The following ETHE1 variants were observed in gnomAD, a reference collection of about 807,000 sequenced individuals.
ETHE1 encodes ETHE1 persulfide dioxygenase, also known as persulfide dioxygenase ETHE1, mitochondrial.
A neutral mutation model predicts 25.7 loss-of-function variants in ETHE1; 16 were observed. That is an observed-to-expected ratio of 0.62 (90% CI 0.42 to 0.95). The LOEUF is 0.95. Ranked by LOEUF, ETHE1 falls within the 40% of genes least tolerant of loss-of-function variation. The pLI is 0.00. For missense variants in ETHE1, 300 were observed against 333.6 expected (o/e 0.90, Z 0.79); for synonymous variants, 139 against 135.9 (o/e 1.02, Z -0.16).
At chr19:43,518,878 G>A (rs952914106) in intron 3 of ETHE1, among the ~76,000 whole-genome samples, 2 of 151,472 alleles carry the variant, frequency 1.3e-5, no homozygotes, top group Admixed American at 1.3e-4. Context: ...AACGATTTTT[G>A]GACTTTTTGC....
intron 3 of ETHE1, among the ~76,000 whole-genome samples, chr19:43,518,870 C>T (rs1027031383): frequency 4.0e-5 from 6 of 150,790 alleles, no homozygotes; most frequent in African/African-American, 1.2e-4. Flanking sequence ...AAAATCAAAA[C>T]GATTTTTGGA....
chr19:43,508,673 A>G (rs1238057130), intron 5 of ETHE1, 102 bp downstream of exon 5: 1 of 1,042,106 alleles, frequency 9.6e-7, no homozygotes, highest in African/African-American at 1.6e-5. Flanking sequence ...GGCCAGAGAA[A>G]TTTCTGAGAC....
chr19:43,509,292 T>C (rs1239134185), intron 4 of ETHE1, among the ~76,000 whole-genome samples: 1 of 144,822 alleles, frequency 6.9e-6, no homozygotes, highest in Non-Finnish European at 1.5e-5. Flanking sequence ...AGGTCAGGAG[T>C]TCGAGACCAG....
intron 3 of ETHE1, among the ~76,000 whole-genome samples, chr19:43,517,231 C>G (rs887167596): frequency 8.6e-5 from 13 of 150,496 alleles, no homozygotes; most frequent in African/African-American, 3.2e-4. Flanking sequence ...ATTCAACACT[C>G]TTGTATAAAA....
chr19:43,519,002 T>TTTTTTG (rs1972084603), intron 3 of ETHE1, among the ~76,000 whole-genome samples: 1 of 49,328 alleles, frequency 2.0e-5, no homozygotes, highest in African/African-American at 1.1e-4. Context: ...TGTGCTTGTT[T>TTTTTTG]TTTTTTTTTT....
intron 3 of ETHE1, among the ~76,000 whole-genome samples, chr19:43,516,819 G>T (rs755949075): frequency 6.6e-6 from 1 of 151,828 alleles, no homozygotes; most frequent in African/African-American, 2.4e-5. Context: ...TAGTAGAGAC[G>T]AGGTTTCATC....
chr19:43,507,313 C>T (rs1971797890), intron 6 of ETHE1, among the ~76,000 whole-genome samples: 1 of 145,486 alleles, frequency 6.9e-6, no homozygotes. Flanking sequence ...GAGTCCAGGC[C>T]CCCAGCCCCT....
chr19:43,517,077 G>GC (rs1268428700), intron 3 of ETHE1, among the ~76,000 whole-genome samples: 1 of 151,402 alleles, frequency 6.6e-6, no homozygotes, highest in African/African-American at 2.4e-5. Context: ...TCCCATCTCA[G>GC]CCTCTCAATG....
intron 3 of ETHE1, among the ~76,000 whole-genome samples, chr19:43,522,704 C>G (rs748529904): frequency 1.3e-5 from 2 of 152,152 alleles, no homozygotes; most frequent in Non-Finnish European, 2.9e-5. Flanking sequence ...TGGTCTCGAA[C>G]TCCTGACCTC....
intron 3 of ETHE1, among the ~76,000 whole-genome samples, chr19:43,516,829 C>T (rs1352747348): frequency 6.6e-6 from 1 of 151,936 alleles, no homozygotes; most frequent in Non-Finnish European, 1.5e-5. Context: ...GAGGTTTCAT[C>T]ATGTTGACCA....
At position 43,507,792 on chromosome 19, in the gene ETHE1, T is replaced by A. The variant is rs1473949447; in HGVS notation, c.712+152A>T. The stretch of plus-strand genomic sequence containing the variant: ...CCCAGGAGTCCAGGCCCCCAGCCTC[T>A]CCTCCCTCAGACCCAGGAGTCCAGG... On this transcript the variant is annotated intron_variant, in intron 6 of 6. Transcript: ENST00000292147. 166 of 278,466 alleles carry A rather than the reference T, an allele frequency of 6.0e-4. 2 individuals carry two copies. Among genetic ancestry groups the A allele is most frequent in the Middle Eastern group, 2.4e-3 (2 of 820 alleles). 17.2% of individuals were successfully genotyped at this position (278,466 alleles called of 1,614,324 possible). A position where few individuals can be genotyped will look rare whatever the true frequency, so the allele number is the denominator to read the frequency against.
At chr19:43,518,473 G>C (rs994540211) in intron 3 of ETHE1, among the ~76,000 whole-genome samples, 4 of 152,070 alleles carry the variant, frequency 2.6e-5, no homozygotes, top group African/African-American at 9.7e-5. Context: ...TTGGCCGGGC[G>C]TGGTGTCTCA....
At chr19:43,519,515 A>T (rs1176693300) in intron 3 of ETHE1, among the ~76,000 whole-genome samples, 1 of 152,096 alleles carries the variant, frequency 6.6e-6, no homozygotes, top group Non-Finnish European at 1.5e-5. Context: ...CCCTTCCATG[A>T]TGCATCATGT....
chr19:43,511,584 G>A lies in ETHE1; in HGVS notation c.376-18C>T, dbSNP rs1402914504. On this transcript the variant is annotated intron_variant, in intron 3 of 6. Coordinates refer to ENST00000292147, the MANE Select transcript of ETHE1 (RefSeq NM_014297.5). ...TCCAACGCCTGGCAGGGGTGGAAGA[G>A]TACAGAGATAGTCACCAAGAAGCCT... The A allele has an allele frequency of 6.2e-7, 1 of 1,610,766 alleles. No individual in the cohort carries two copies. The highest frequency in any genetic ancestry group is 1.3e-5 in the African/African-American group (1 of 74,874).
chr19:43,506,954 G>GCC, intron 6 of ETHE1, 52 bp from the exon 7 acceptor site: 1 of 1,586,814 alleles, frequency 6.3e-7, no homozygotes, highest in East Asian at 2.2e-5. Context: ...AGAGTTCCAG[G>GCC]CCCCACTGGA....
At chr19:43,524,077 A>T (rs1008487613) in intron 3 of ETHE1, among the ~76,000 whole-genome samples, 1 of 152,022 alleles carries the variant, frequency 6.6e-6, no homozygotes, top group Non-Finnish European at 1.5e-5. Context: ...CTCTACTAAA[A>T]ATACAAAATT....
intron 4 of ETHE1, among the ~76,000 whole-genome samples, chr19:43,511,127 A>G (rs1304855988): frequency 6.6e-6 from 1 of 152,050 alleles, no homozygotes; most frequent in Non-Finnish European, 1.5e-5. Context: ...CTGATTCTAC[A>G]TGATGGTGAG....
At chr19:43,510,031 G>A (rs1197740161) in intron 4 of ETHE1, among the ~76,000 whole-genome samples, 1 of 152,164 alleles carries the variant, frequency 6.6e-6, no homozygotes, top group East Asian at 1.9e-4. Flanking sequence ...CAGAGATAAG[G>A]AGAGAGGGAA....
chr19:43,526,716 C>G, intron 1 of ETHE1, 57 bp from the exon 2 acceptor site: 1 of 1,611,018 alleles, frequency 6.2e-7, no homozygotes, highest in East Asian at 2.2e-5. Context: ...CACTGGAGGC[C>G]AAGTAGTCCA....
Sources: gnomAD v4.1 joint callset for allele counts (sites outside exome capture counted in the v4.1 genomes callset) on GRCh38, gnomAD v4.1.1 for gene constraint, MANE v1.5 for transcripts, NCBI Gene and HGNC (gene_info 2026-07-23, HGNC 2026-07-21) for gene names.